The following ZBTB20 variants were observed in gnomAD, a reference collection of about 807,000 sequenced individuals.
ZBTB20 encodes zinc finger and BTB domain-containing protein 20.
ZBTB20 carries 9 observed loss-of-function variants against 56.9 expected under a neutral mutation model. The observed-to-expected ratio is 0.16, with a 90% CI of 0.10 to 0.28. The LOEUF is 0.28. ZBTB20 is among the 10% of genes least tolerant of loss of function. ZBTB20 has a pLI of 1.00. For synonymous variants in ZBTB20, 417 were observed against 420.7 expected, an observed-to-expected ratio of 0.99 and a Z score of 0.11; for missense variants, 655 against 1,003.0, an observed-to-expected ratio of 0.65 and a Z score of 4.69.
chr3:114,640,218 G>T (rs1228904187), intron 6 of ZBTB20, among the ~76,000 whole-genome samples: 1 of 152,000 alleles, frequency 6.6e-6, no homozygotes, highest in Non-Finnish European at 1.5e-5. Context: ...AACAGTTTGG[G>T]CTGTGAATAG....
chr3:114,372,215 G>A (rs945437880), intron 10 of ZBTB20, among the ~76,000 whole-genome samples: 19 of 152,202 alleles, frequency 1.2e-4, no homozygotes, highest in South Asian at 4.2e-4. Flanking sequence ...ACATGAAACT[G>A]TCACTAGCAG....
chr3:114,699,916 T>C (rs971343957), intron 5 of ZBTB20, among the ~76,000 whole-genome samples: 1 of 152,056 alleles, frequency 6.6e-6, no homozygotes, highest in East Asian at 1.9e-4. Context: ...TCACAGTTCA[T>C]TTTTTTCACA....
chr3:114,375,561 C>G (rs566906295), intron 10 of ZBTB20, among the ~76,000 whole-genome samples: 1 of 152,232 alleles, frequency 6.6e-6, no homozygotes, highest in South Asian at 2.1e-4. Flanking sequence ...AAATCACTCC[C>G]CCAGTGGGCA....
chr3:114,959,827 T>C (rs2077383642), intron 3 of ZBTB20, among the ~76,000 whole-genome samples: 1 of 151,694 alleles, frequency 6.6e-6, no homozygotes, highest in Admixed American at 6.6e-5. Flanking sequence ...CAGTGGCAAA[T>C]ACAAAAGTCT....
At chr3:114,554,514 T>C (rs369874156) in intron 6 of ZBTB20, among the ~76,000 whole-genome samples, 3 of 152,102 alleles carry the variant, frequency 2.0e-5, no homozygotes, top group Admixed American at 6.6e-5. Flanking sequence ...AAGGTAAGAA[T>C]AAAAGTTATT....
rs1357308462 is a variant in ZBTB20, at chr3:114,314,892, G to A, written c.*24113C>T. On this transcript the variant is annotated 3_prime_UTR_variant, in exon 12 of 12. Coordinates refer to ENST00000675478, the MANE Select transcript of ZBTB20 (RefSeq NM_001348800.3). ...AAATACAAGTCACAGGTAAATATAC[G>A]TGAGAAAAATACGAGGCTAATATTA... is the stretch of plus-strand genomic sequence containing the variant. 1.3e-5 allele frequency: 2 copies of A among 151,770 alleles called. No homozygotes were observed. The highest frequency in any genetic ancestry group is 4.8e-5 in the African/African-American group (2 of 41,272). 9.4% of individuals were successfully genotyped at this position (151,770 alleles called of 1,614,324 possible). A position where few individuals can be genotyped will look rare whatever the true frequency, so the allele number is the denominator to read the frequency against.
intron 7 of ZBTB20, among the ~76,000 whole-genome samples, chr3:114,420,072 T>C (rs1467862267): frequency 6.6e-6 from 1 of 152,138 alleles, no homozygotes; most frequent in East Asian, 1.9e-4. Context: ...AACAGACTTA[T>C]CTAGATAGAG....
chr3:114,891,103 A>T (rs1407064882), intron 4 of ZBTB20, among the ~76,000 whole-genome samples: 5 of 152,136 alleles, frequency 3.3e-5, no homozygotes, highest in Admixed American at 1.3e-4. Flanking sequence ...TGGGTTTCCT[A>T]TTACATGAAA....
intron 4 of ZBTB20, among the ~76,000 whole-genome samples, chr3:114,811,463 A>G (rs543726391): frequency 6.6e-6 from 1 of 152,336 alleles, no homozygotes; most frequent in African/African-American, 2.4e-5. Context: ...TATCACATGA[A>G]AAGAGATAAA....
intron 5 of ZBTB20, among the ~76,000 whole-genome samples, chr3:114,785,762 T>C (rs1025258813): frequency 3.3e-5 from 5 of 152,182 alleles, no homozygotes; most frequent in African/African-American, 1.2e-4. Context: ...CCATTGTGCA[T>C]GTGTGTGAGT....
intron 3 of ZBTB20, among the ~76,000 whole-genome samples, chr3:114,913,181 C>G (rs1190294571): frequency 2.0e-5 from 3 of 152,034 alleles, no homozygotes; most frequent in Non-Finnish European, 2.9e-5. Flanking sequence ...AGTACTTATA[C>G]TTATTTACAT....
intron 5 of ZBTB20, among the ~76,000 whole-genome samples, chr3:114,738,530 A>G (rs2066350252): frequency 6.6e-6 from 1 of 152,196 alleles, no homozygotes; most frequent in South Asian, 2.1e-4. Context: ...ACCCTTATAG[A>G]TTCAAGGGTT....
chr3:114,607,779 TTACAAATAGGGAACACTCTGTAA>T (rs1215296637), intron 6 of ZBTB20, among the ~76,000 whole-genome samples: 6 of 152,168 alleles, frequency 3.9e-5, no homozygotes. Flanking sequence ...CAAGTTGGTT[TTACAAATAGGGAACACTCTGTAA>T]ATACTCATGG....
intron 10 of ZBTB20, among the ~76,000 whole-genome samples, chr3:114,361,429 C>T (rs1166541626): frequency 1.3e-5 from 2 of 152,182 alleles, no homozygotes; most frequent in African/African-American, 4.8e-5. Context: ...TAAACTAAGA[C>T]ATTCATTTTT....
chr3:114,839,165 C>A (rs899402678), intron 4 of ZBTB20, among the ~76,000 whole-genome samples: 1 of 152,054 alleles, frequency 6.6e-6, no homozygotes, highest in Non-Finnish European at 1.5e-5. Context: ...CTTTGGGAGG[C>A]CAAAGTGGGC....
intron 6 of ZBTB20, among the ~76,000 whole-genome samples, chr3:114,543,962 A>C (rs981145781): frequency 2.0e-5 from 3 of 152,194 alleles, no homozygotes; most frequent in Non-Finnish European, 4.4e-5. Context: ...CACTCCAGGA[A>C]ACATAAAACC....
intron 1 of ZBTB20, among the ~76,000 whole-genome samples, chr3:115,099,836 G>A (rs1430992859): frequency 6.6e-6 from 1 of 152,086 alleles, no homozygotes; most frequent in African/African-American, 2.4e-5. Flanking sequence ...GACAAGAAAA[G>A]CAAAGAGACA....
At chr3:114,389,671 C>T (rs2085596956) in intron 7 of ZBTB20, among the ~76,000 whole-genome samples, 1 of 151,704 alleles carries the variant, frequency 6.6e-6, no homozygotes, top group South Asian at 2.1e-4. Flanking sequence ...GTGAGGATCA[C>T]GAGGTCAGGA....
chr3:114,764,477 T>G (rs1449213940), intron 5 of ZBTB20, among the ~76,000 whole-genome samples: 3 of 152,206 alleles, frequency 2.0e-5, no homozygotes, highest in South Asian at 2.1e-4. Flanking sequence ...AGGCCCCGCA[T>G]CCTGCTTAGA....
Sources: allele counts gnomAD v4.1 joint callset (sites outside exome capture counted in the v4.1 genomes callset), GRCh38; gene constraint gnomAD v4.1.1; transcripts MANE v1.5; gene names NCBI Gene and HGNC (gene_info 2026-07-23, HGNC 2026-07-21).